CDC42SE2: variants seen among roughly 807,000 people sequenced by gnomAD.
CDC42SE2 encodes CDC42 small effector 2.
CDC42SE2 carries 3 observed loss-of-function variants against 11.5 expected under a neutral mutation model. The observed-to-expected ratio is 0.26, with a 90% CI of 0.12 to 0.67. The LOEUF (loss-of-function observed/expected upper bound fraction) is 0.67, where lower values mean the gene tolerates loss of function less well. Ranked by LOEUF, CDC42SE2 falls within the 30% of genes least tolerant of loss-of-function variation. The pLI is 0.80. For synonymous variants in CDC42SE2, 33 were observed against 34.8 expected, an observed-to-expected ratio of 0.95 and a Z score of 0.18; for missense variants, 82 against 106.8, an observed-to-expected ratio of 0.77 and a Z score of 1.02.
chr5:131,320,196 C>G (rs1758156772), intron 2 of CDC42SE2, among the ~76,000 whole-genome samples: 1 of 147,964 alleles, frequency 6.8e-6, no homozygotes, highest in Non-Finnish European at 1.5e-5. Flanking sequence ...ACCAGCCTGG[C>G]CAACATAATG....
At chr5:131,314,233 C>CT (rs1186826623) in intron 1 of CDC42SE2, among the ~76,000 whole-genome samples, 7,901 of 137,064 alleles carry the variant, frequency 0.058, 381 homozygotes, top group African/African-American at 0.13. Context: ...AATGATTGTC[C>CT]TTTTTTTTTT....
At chr5:131,361,097 ATTTAT>A (rs1211243430) in intron 3 of CDC42SE2, among the ~76,000 whole-genome samples, 11 of 148,398 alleles carry the variant, frequency 7.4e-5, no homozygotes, top group Admixed American at 1.3e-4. Flanking sequence ...ATTGCATTGA[ATTTAT>A]TTTATTTTAT....
the CDC42SE2 span, among the ~76,000 whole-genome samples, chr5:131,218,040 G>T: frequency 1.3e-5 from 2 of 152,046 alleles, no homozygotes; most frequent in African/African-American, 4.8e-5. Context: ...CCAAGGCAGG[G>T]TGGTGCATGC....
intron 2 of CDC42SE2, among the ~76,000 whole-genome samples, chr5:131,341,635 A>G (rs570268715): frequency 6.6e-6 from 1 of 152,324 alleles, no homozygotes; most frequent in South Asian, 2.1e-4. Flanking sequence ...AAGAAACCAA[A>G]AGAATATTTG....
At chr5:131,356,732 G>A (rs1036657559) in intron 2 of CDC42SE2, among the ~76,000 whole-genome samples, 2 of 152,072 alleles carry the variant, frequency 1.3e-5, no homozygotes, top group Admixed American at 6.6e-5. Flanking sequence ...AAAACAGTGA[G>A]ACCCTGTCTC....
chr5:131,316,493 G>A (rs1758041624), intron 2 of CDC42SE2, among the ~76,000 whole-genome samples: 1 of 152,196 alleles, frequency 6.6e-6, no homozygotes, highest in South Asian at 2.1e-4. Context: ...AGTTGTGGTA[G>A]GTCTCATTCT....
At chr5:131,341,637 G>T (rs1212928095) in intron 2 of CDC42SE2, among the ~76,000 whole-genome samples, 1 of 152,086 alleles carries the variant, frequency 6.6e-6, no homozygotes, top group African/African-American at 2.4e-5. Flanking sequence ...GAAACCAAAA[G>T]AATATTTGAA....
intron 1 of CDC42SE2, among the ~76,000 whole-genome samples, chr5:131,265,119 GT>G (rs1756831896): frequency 6.6e-6 from 1 of 152,096 alleles, no homozygotes; most frequent in Non-Finnish European, 1.5e-5. Context: ...CAAACAGTAT[GT>G]ATTTTTGATA....
chr5:131,268,739 A>T (rs920810480), intron 1 of CDC42SE2, among the ~76,000 whole-genome samples: 1 of 136,480 alleles, frequency 7.3e-6, no homozygotes, highest in Non-Finnish European at 1.5e-5. Context: ...AGCATGAGCC[A>T]CCACACCCGG....
the CDC42SE2 span, among the ~76,000 whole-genome samples, chr5:131,228,978 G>A: frequency 6.6e-6 from 1 of 152,212 alleles, no homozygotes; most frequent in African/African-American, 2.4e-5. Flanking sequence ...CATCCAGTGT[G>A]TGGTATTTTG....
chr5:131,359,487 T>C lies in CDC42SE2; in HGVS notation c.-7T>C. On this transcript the variant is annotated 5_prime_UTR_variant, in exon 3 of 5. Transcript: ENST00000505065. Reference sequence around the variant, plus strand: ...TCATTGGTGCTCATTTACTGTGGACTGTAAGCATGAGTGAATTCTGGTTGT... The same window carrying C: ...TCATTGGTGCTCATTTACTGTGGACCGTAAGCATGAGTGAATTCTGGTTGT... 6.2e-7 allele frequency: 1 copy of C among 1,611,626 alleles called. No homozygotes were observed. The highest frequency in any genetic ancestry group is 8.5e-7 in the Non-Finnish European group (1 of 1,177,670).
intron 2 of CDC42SE2, among the ~76,000 whole-genome samples, chr5:131,333,455 CT>C (rs1396098659): frequency 2.0e-5 from 3 of 152,210 alleles, no homozygotes; most frequent in African/African-American, 7.2e-5. Context: ...TGCAGGCTCT[CT>C]TTTGGTTCCA....
intron 1 of CDC42SE2, among the ~76,000 whole-genome samples, chr5:131,294,015 A>G (rs964801243): frequency 6.6e-6 from 1 of 152,206 alleles, no homozygotes; most frequent in Non-Finnish European, 1.5e-5. Flanking sequence ...GTAATGTCAC[A>G]CTGAGCCACT....
chr5:131,343,758 AAAT>A (rs965122624), intron 2 of CDC42SE2, among the ~76,000 whole-genome samples: 44 of 151,956 alleles, frequency 2.9e-4, no homozygotes, highest in Admixed American at 1.3e-4. Context: ...GCAGAGAGAG[AAAT>A]AAAGAAGAAG....
chr5:131,255,878 T>A (rs1317864836), intron 2 of CDC42SE2, among the ~76,000 whole-genome samples: 1 of 152,244 alleles, frequency 6.6e-6, no homozygotes, highest in African/African-American at 2.4e-5. Flanking sequence ...TTAAATTTAA[T>A]TCTTGCCAAA....
rs975925854 is a variant in CDC42SE2 at position 131,282,555 on chromosome 5, T to G, written c.-455+18389T>G. ...AAGGAAGTAACCTTTTTTTTTCTTC[T>G]TTGGGGGGAGAGGAGGTTATTTTCC... On this transcript the variant is annotated intron_variant, in intron 1 of 4. Coordinates refer to ENST00000505065, the MANE Select transcript of CDC42SE2 (RefSeq NM_001375635.1). 2.0e-5 allele frequency among the ~76,000 whole-genome samples: 3 copies of G among 152,088 alleles called. 1 individual carries two copies. Among genetic ancestry groups the G allele is most frequent in the African/African-American group, 7.3e-5 (3 of 41,376 alleles).
intron 3 of CDC42SE2, among the ~76,000 whole-genome samples, chr5:131,373,005 T>C (rs911709937): frequency 6.6e-6 from 1 of 152,240 alleles, no homozygotes; most frequent in Admixed American, 6.5e-5. Flanking sequence ...TTTATCCCCA[T>C]TGGTTATATT....
At chr5:131,362,136 A>T (rs1749728078) in intron 3 of CDC42SE2, among the ~76,000 whole-genome samples, 1 of 151,810 alleles carries the variant, frequency 6.6e-6, no homozygotes, top group South Asian at 2.1e-4. Context: ...TCTACCCAGC[A>T]CTTCCCTGTT....
intron 2 of CDC42SE2, among the ~76,000 whole-genome samples, chr5:131,255,895 T>G (rs1260592665): frequency 2.0e-5 from 3 of 152,242 alleles, no homozygotes; most frequent in Non-Finnish European, 4.4e-5. Flanking sequence ...CAAATCTTAT[T>G]AGGTAATTAT....
Sources: allele counts gnomAD v4.1 joint callset (sites outside exome capture counted in the v4.1 genomes callset), GRCh38; gene constraint gnomAD v4.1.1; transcripts MANE v1.5; gene names NCBI Gene and HGNC (gene_info 2026-07-23, HGNC 2026-07-21).